Variants in CACNA1C observed in about 807,000 individuals in gnomAD.
CACNA1C encodes voltage-dependent L-type calcium channel subunit alpha-1C.
A neutral mutation model predicts 229.0 loss-of-function variants in CACNA1C; 30 were observed. That is an observed-to-expected ratio of 0.13 (90% CI 0.10 to 0.18). CACNA1C has a LOEUF of 0.18. Among genes scored for constraint, CACNA1C ranks in the 10% least tolerant of loss-of-function variants. The pLI is 1.00. For missense variants in CACNA1C, 1,658 were observed against 2,845.0 expected (o/e 0.58, Z 9.49); for synonymous variants, 1,114 against 1,132.5 (o/e 0.98, Z 0.33).
chr12:2,577,658 C>T (rs1047032471), intron 13 of CACNA1C, among the ~76,000 whole-genome samples: 10 of 152,332 alleles, frequency 6.6e-5, no homozygotes, highest in African/African-American at 2.4e-4. Flanking sequence ...CATGCACCTC[C>T]ATGGCCCCTT....
intron 3 of CACNA1C, among the ~76,000 whole-genome samples, chr12:2,250,445 C>G (rs2075191197): frequency 6.6e-6 from 1 of 152,258 alleles, no homozygotes; most frequent in Non-Finnish European, 1.5e-5. Flanking sequence ...TGGTTGATGA[C>G]AGCTGATATC....
At position 2,651,732 on chromosome 12, in the gene CACNA1C, C is replaced by T. The variant is rs56180838; in HGVS notation, c.4038C>T (p.Ile1346=). ...LVKLLSRGEG[I]RTLLWTFIKS... is the part of the protein sequence containing the mutation. ...AGCTGCTGAGCCGTGGGGAGGGCAT[C>T]CGGACGCTGCTGTGGACCTTCATCA... The change falls in exon 32 of 47, where the codon ATC becomes ATT. Residue 1346 remains isoleucine, a synonymous_variant. Coordinates refer to ENST00000399655, the MANE Select transcript of CACNA1C (RefSeq NM_000719.7). This position sits in a 1 kb window ranked among gnomAD's most constrained non-coding sequence, Gnocchi z 5.4. The T allele has an allele frequency of 0.058, 93,548 of 1,613,286 alleles. 3,153 individuals are homozygous for T. The highest frequency in any genetic ancestry group is 0.067 in the Non-Finnish European group (78,726 of 1,179,460).
chr12:2,614,232 G>C (rs2153464758), intron 29 of CACNA1C: 1 of 152,366 alleles, frequency 6.6e-6, no homozygotes, highest in South Asian at 2.1e-4. Context: ...ATTGTGAGAA[G>C]ATGGGGCAAG....
chr12:2,308,103 A>G (rs902077796), intron 3 of CACNA1C, among the ~76,000 whole-genome samples: 5 of 152,200 alleles, frequency 3.3e-5, no homozygotes, highest in Non-Finnish European at 4.4e-5. Flanking sequence ...CTGTGTAATT[A>G]TAGGAATCAC....
intron 3 of CACNA1C, among the ~76,000 whole-genome samples, chr12:2,187,258 C>CTGTG (rs2097061468): frequency 6.6e-6 from 1 of 152,204 alleles, no homozygotes; most frequent in Non-Finnish European, 1.5e-5. Flanking sequence ...TGCCTAGCCT[C>CTGTG]TGTGTGGTGG....
intron 2 of CACNA1C, 81 bp downstream of exon 2, chr12:2,115,626 G>A: frequency 7.5e-7 from 1 of 1,334,142 alleles, no homozygotes; most frequent in South Asian, 1.2e-5. Flanking sequence ...TGGGCCACGA[G>A]CTGTGTCAGC....
chr12:2,670,271 G>A (rs1461425247), intron 38 of CACNA1C, among the ~76,000 whole-genome samples: 1 of 152,150 alleles, frequency 6.6e-6, no homozygotes, highest in African/African-American at 2.4e-5. Flanking sequence ...CTGTCCGTCA[G>A]TGTGTTCCTC....
Position 2,639,234 on chromosome 12 carries a change from G to A in CACNA1C, c.3912+4854G>A, listed in dbSNP as rs1486259295. Among the ~76,000 whole-genome samples the A allele has an allele frequency of 3.3e-5, 5 of 152,164 alleles. No homozygotes were observed. Among genetic ancestry groups the A allele is most frequent in the East Asian group, 1.9e-4 (1 of 5,178 alleles). On this transcript the variant is annotated intron_variant, in intron 30 of 46. Transcript: ENST00000399655. This position sits in a 1 kb window ranked among gnomAD's most constrained non-coding sequence, Gnocchi z 4.2. ...CTGTGAGCCGGGGAGGTAAGAGTGCGATGTCCTGCTGCTCTAGGGAAGCCT... is the reference window on the plus strand; with the variant it reads ...CTGTGAGCCGGGGAGGTAAGAGTGCAATGTCCTGCTGCTCTAGGGAAGCCT...
intron 21 of CACNA1C, among the ~76,000 whole-genome samples, chr12:2,600,516 C>T (rs1479223121): frequency 1.3e-5 from 2 of 152,208 alleles, no homozygotes; most frequent in Non-Finnish European, 2.9e-5. Flanking sequence ...TCTCCACTGT[C>T]GGCTCCACAT....
intron 9 of CACNA1C, among the ~76,000 whole-genome samples, chr12:2,516,217 G>T (rs2099796480): frequency 6.6e-6 from 1 of 152,126 alleles, no homozygotes; most frequent in Non-Finnish European, 1.5e-5. Context: ...AGCGAGAAGG[G>T]GCCAATGAGA....
intron 1 of CACNA1C, among the ~76,000 whole-genome samples, chr12:2,091,599 T>C (rs979999511): frequency 2.2e-5 from 3 of 137,600 alleles, no homozygotes; most frequent in African/African-American, 1.1e-4. Context: ...TGTGATGACC[T>C]CAGACCCACA....
At chr12:2,592,314 A>T (rs2065768981) in intron 18 of CACNA1C, among the ~76,000 whole-genome samples, 1 of 152,236 alleles carries the variant, frequency 6.6e-6, no homozygotes. Flanking sequence ...CACCGTTCTG[A>T]GGTATAGAGG....
intron 3 of CACNA1C, among the ~76,000 whole-genome samples, chr12:2,153,487 C>G (rs1349803632): frequency 6.6e-6 from 1 of 152,204 alleles, no homozygotes; most frequent in Non-Finnish European, 1.5e-5. Flanking sequence ...CCCCTTCCCC[C>G]AGCCCCTGGC....
At position 2,215,071 on chromosome 12, in the gene CACNA1C, G is replaced by A. The variant is rs566889640; in HGVS notation, c.477+94641G>A. Reference sequence around the variant, plus strand: ...AGGCAGTGAGGACCTGCATTGCAGCGGGTGTGTCGGAGGGCTCAGCAAACG... The same window carrying A: ...AGGCAGTGAGGACCTGCATTGCAGCAGGTGTGTCGGAGGGCTCAGCAAACG... On this transcript the variant is annotated intron_variant, in intron 3 of 46. Coordinates refer to ENST00000399655, the MANE Select transcript of CACNA1C (RefSeq NM_000719.7). This position sits in a 1 kb window ranked among gnomAD's most constrained non-coding sequence, Gnocchi z 5.0. Among the ~76,000 whole-genome samples the A allele has an allele frequency of 2.4e-4, 37 of 152,274 alleles. No homozygotes were observed. The highest frequency in any genetic ancestry group is 8.7e-4 in the African/African-American group (36 of 41,548).
rs1362974630 is a variant in CACNA1C, at chr12:2,666,379, G to A, written c.4527-307G>A. Among the ~76,000 whole-genome samples, 2 of 152,202 alleles carry A rather than the reference G, an allele frequency of 1.3e-5. No individual in the cohort carries two copies. The highest frequency in any genetic ancestry group is 2.1e-4 in the South Asian group (1 of 4,832). Reference sequence around the variant, plus strand: ...ACCCTCAGTAAATACCTTTTGGTCAGAAGGTTAGTTCATTCAATCAGCAAG... The same window carrying A: ...ACCCTCAGTAAATACCTTTTGGTCAAAAGGTTAGTTCATTCAATCAGCAAG... On this transcript the variant is annotated intron_variant, in intron 36 of 46. Transcript: ENST00000399655. This position sits in a 1 kb window ranked among gnomAD's most constrained non-coding sequence, Gnocchi z 5.3.
chr12:2,363,598 G>A (rs1304161594), intron 3 of CACNA1C, among the ~76,000 whole-genome samples: 1 of 151,760 alleles, frequency 6.6e-6, no homozygotes, highest in Non-Finnish European at 1.5e-5. Flanking sequence ...CCCAGCCTCT[G>A]CCTCTCCCCA....
intron 1 of CACNA1C, among the ~76,000 whole-genome samples, chr12:2,073,380 A>G (rs1464781782): frequency 3.9e-5 from 6 of 152,110 alleles, no homozygotes; most frequent in Admixed American, 3.9e-4. Context: ...TCAGGGATCT[A>G]GGGCTTCTCC....
intron 1 of CACNA1C, among the ~76,000 whole-genome samples, chr12:2,069,737 G>C (rs2060542237): frequency 1.3e-5 from 2 of 152,204 alleles, no homozygotes; most frequent in South Asian, 4.1e-4. Context: ...AATATGGCAG[G>C]AGAAAACTTT....
intron 3 of CACNA1C, among the ~76,000 whole-genome samples, chr12:2,424,689 C>T (rs186878395): frequency 4.4e-4 from 67 of 152,296 alleles, no homozygotes; most frequent in Admixed American, 9.2e-4. Flanking sequence ...CTCCAGGACC[C>T]TTCTGCCTGC....
Sources: gnomAD v4.1 joint callset for allele counts (sites outside exome capture counted in the v4.1 genomes callset) on GRCh38, gnomAD v4.1.1 for gene constraint, Gnocchi (gnomAD v3.1) non-coding constraint, MANE v1.5 for transcripts, NCBI Gene and HGNC (gene_info 2026-07-23, HGNC 2026-07-21) for gene names.